Variants in AIG1 observed in about 807,000 individuals in gnomAD.
The protein encoded by AIG1 is androgen induced 1.
Under a neutral mutation model 31.4 loss-of-function variants are expected in AIG1, and 23 were observed. The ratio of observed to expected loss-of-function variants is 0.73; its 90% CI spans 0.53 to 1.04. AIG1 has a LOEUF of 1.04. Ranked by LOEUF, AIG1 falls within the 50% of genes least tolerant of loss-of-function variation. The pLI, the probability that AIG1 is intolerant of heterozygous loss-of-function variation, is 0.00. For missense variants in AIG1, 274 were observed against 295.0 expected (o/e 0.93, Z 0.52); for synonymous variants, 100 against 110.5 (o/e 0.90, Z 0.60).
At chr6:143,063,097 T>C (rs1275175521) in intron 1 of AIG1, among the ~76,000 whole-genome samples, 4 of 152,218 alleles carry the variant, frequency 2.6e-5, no homozygotes, top group African/African-American at 9.6e-5. Context: ...TTACTGTGCA[T>C]TGAAAAACAA....
intron 3 of AIG1, among the ~76,000 whole-genome samples, chr6:143,231,484 A>G (rs370606826): frequency 1.3e-5 from 2 of 152,334 alleles, no homozygotes; most frequent in East Asian, 3.9e-4. Context: ...GGGAGGAACT[A>G]TCTCGTGAAC....
intron 3 of AIG1, among the ~76,000 whole-genome samples, chr6:143,181,241 A>G (rs1374556898): frequency 2.0e-5 from 3 of 152,252 alleles, no homozygotes; most frequent in Admixed American, 6.5e-5. Flanking sequence ...TTCAAAAATG[A>G]AAGTAAGAAA....
At chr6:143,091,658 G>A (rs1006771218) in intron 1 of AIG1, among the ~76,000 whole-genome samples, 4 of 152,142 alleles carry the variant, frequency 2.6e-5, no homozygotes, top group African/African-American at 9.7e-5. Flanking sequence ...AAGACAGTAG[G>A]TTGGCATCTT....
chr6:143,335,355 A>T (rs1221962222), intron 5 of AIG1: 21 of 257,108 alleles, frequency 8.2e-5, no homozygotes, highest in Non-Finnish European at 2.9e-5. Flanking sequence ...AACATGGTGA[A>T]ATCCCATCTC....
intron 3 of AIG1, chr6:143,188,230 C>A (rs771860915): frequency 2.0e-6 from 2 of 988,522 alleles, no homozygotes; most frequent in Admixed American, 5.9e-5. Context: ...AGGAGAGGGG[C>A]GTTTCTTTCC....
chr6:143,334,964 T>G lies in AIG1; in HGVS notation c.679+1519T>G. 1 of 744,024 alleles carries G rather than the reference T, an allele frequency of 1.3e-6. No individual in the cohort carries two copies. The highest frequency in any genetic ancestry group is 2.0e-6 in the Non-Finnish European group (1 of 505,286). 46.1% of individuals were successfully genotyped at this position (744,024 alleles called of 1,614,324 possible). On this transcript the variant is annotated intron_variant, in intron 5 of 5. Transcript: ENST00000357847. This position sits in a 1 kb window ranked among gnomAD's most constrained non-coding sequence, Gnocchi z 5.1. The stretch of plus-strand genomic sequence containing the variant: ...GAGGAGTTAAAAATGAATAATGAAA[T>G]TAAGGTTTTTTGAATGATTTGTTTA...
At chr6:143,091,832 A>G (rs926596233) in intron 1 of AIG1, among the ~76,000 whole-genome samples, 5 of 152,250 alleles carry the variant, frequency 3.3e-5, no homozygotes, top group Non-Finnish European at 7.3e-5. Context: ...ATACACATGC[A>G]TAAGATGAAA....
chr6:143,342,478 C>T (rs1562611252), downstream of AIG1: 1 of 785,886 alleles, frequency 1.3e-6, no homozygotes. Flanking sequence ...AAGAGAAGTG[C>T]TTTGATTCCT....
At chr6:143,272,271 G>A (rs189643356) in intron 3 of AIG1, among the ~76,000 whole-genome samples, 8 of 152,244 alleles carry the variant, frequency 5.3e-5, no homozygotes, top group East Asian at 3.9e-4. Flanking sequence ...TAACTTACCC[G>A]AAGATAGTAA....
chr6:143,215,371 C>G (rs745775094), intron 3 of AIG1, among the ~76,000 whole-genome samples: 1 of 152,180 alleles, frequency 6.6e-6, no homozygotes, highest in Non-Finnish European at 1.5e-5. Context: ...TTTCTCCTTT[C>G]TCCAGAACAA....
intron 1 of AIG1, among the ~76,000 whole-genome samples, chr6:143,102,966 C>T (rs1780436031): frequency 6.6e-6 from 1 of 152,120 alleles, no homozygotes; most frequent in African/African-American, 2.4e-5. Flanking sequence ...ATCTAGTGTA[C>T]ATATATATCT....
At chr6:143,153,162 G>A (rs1178612762) in intron 2 of AIG1, among the ~76,000 whole-genome samples, 1 of 152,110 alleles carries the variant, frequency 6.6e-6, no homozygotes, top group Non-Finnish European at 1.5e-5. Flanking sequence ...TATGATAGGA[G>A]CCTATTAACT....
intron 3 of AIG1, among the ~76,000 whole-genome samples, chr6:143,219,492 A>G (rs1792297757): frequency 6.6e-6 from 1 of 152,158 alleles, no homozygotes; most frequent in South Asian, 2.1e-4. Flanking sequence ...AAAACAAAAC[A>G]AAACAAAACT....
chr6:143,110,681 G>C (rs1308084294), intron 1 of AIG1, among the ~76,000 whole-genome samples: 1 of 152,192 alleles, frequency 6.6e-6, no homozygotes, highest in Non-Finnish European at 1.5e-5. Context: ...ACCTTGAGGA[G>C]GAGGTGCGGA....
At chr6:143,073,724 G>A (rs944136312) in intron 1 of AIG1, among the ~76,000 whole-genome samples, 9 of 152,170 alleles carry the variant, frequency 5.9e-5, no homozygotes, top group Admixed American at 3.3e-4. Context: ...GGAGGCCTCT[G>A]GAAGTTTACA....
intron 1 of AIG1, among the ~76,000 whole-genome samples, chr6:143,081,368 A>T (rs1368637612): frequency 2.0e-5 from 3 of 152,016 alleles, no homozygotes; most frequent in Non-Finnish European, 4.4e-5. Context: ...CGAATCTGGG[A>T]ATTATTTCAT....
rs550282580 is a variant in AIG1 at position 143,291,058 on chromosome 6, A to G, written c.515+6833A>G. Among the ~76,000 whole-genome samples, 13 of 152,270 alleles carry G rather than the reference A, an allele frequency of 8.5e-5. No individual in the cohort carries two copies. Among genetic ancestry groups the G allele is most frequent in the Admixed American group, 7.9e-4 (12 of 15,280 alleles). ...CCAAAGCCAAGTGTGAGGCTCTAAGAGAATCCCTGGTAAATAATAGCTATG... is the reference window on the plus strand; with the variant it reads ...CCAAAGCCAAGTGTGAGGCTCTAAGGGAATCCCTGGTAAATAATAGCTATG... On this transcript the variant is annotated intron_variant, in intron 4 of 5. Transcript: ENST00000357847. The surrounding 1 kb of genome is among the most constrained non-coding windows in gnomAD (Gnocchi z 4.2).
At chr6:143,301,650 T>A (rs1004290939) in intron 4 of AIG1, among the ~76,000 whole-genome samples, 5 of 152,112 alleles carry the variant, frequency 3.3e-5, no homozygotes, top group African/African-American at 1.2e-4. Context: ...AGGCCCTTTA[T>A]AAAGTGTCAG....
intron 4 of AIG1, among the ~76,000 whole-genome samples, chr6:143,303,069 A>AT (rs977935365): frequency 4.4e-4 from 67 of 151,516 alleles, no homozygotes; most frequent in Non-Finnish European, 8.6e-4. Context: ...TTTTGATGGG[A>AT]TTTTTTGTTT....
Sources: gnomAD v4.1 joint callset for allele counts (sites outside exome capture counted in the v4.1 genomes callset) on GRCh38, gnomAD v4.1.1 for gene constraint, Gnocchi (gnomAD v3.1) non-coding constraint, MANE v1.5 for transcripts, NCBI Gene and HGNC (gene_info 2026-07-23, HGNC 2026-07-21) for gene names.